The following CSMD1 variants were observed in gnomAD, a reference collection of about 807,000 sequenced individuals.
CSMD1 encodes CUB and sushi domain-containing protein 1.
A neutral mutation model predicts 417.5 loss-of-function variants in CSMD1; 213 were observed. The observed-to-expected ratio is 0.51, with a 90% CI of 0.46 to 0.57. CSMD1 has a LOEUF of 0.57. Among genes scored for constraint, CSMD1 ranks in the 20% least tolerant of loss-of-function variants. CSMD1 has a pLI of 0.00. For synonymous variants in CSMD1, 2,862 were observed against 1,736.8 expected (o/e 1.65, Z -16.11); for missense variants, 6,923 against 4,529.7 (o/e 1.53, Z -15.17).
intron 8 of CSMD1, among the ~76,000 whole-genome samples, chr8:3,607,909 C>T (rs1342955722): frequency 6.6e-6 from 1 of 152,176 alleles, no homozygotes; most frequent in East Asian, 1.9e-4. Context: ...GTGGTTCATG[C>T]CTGTAATCCC....
chr8:4,141,089 C>T (rs892590716), intron 3 of CSMD1, among the ~76,000 whole-genome samples: 4 of 151,198 alleles, frequency 2.6e-5, no homozygotes, highest in South Asian at 2.1e-4. Context: ...TACAAACTTC[C>T]CATTTTCAGA....
chr8:3,884,293 T>C (rs753652547), intron 5 of CSMD1, among the ~76,000 whole-genome samples: 1 of 152,200 alleles, frequency 6.6e-6, no homozygotes, highest in African/African-American at 2.4e-5. Flanking sequence ...GCCACTTGTG[T>C]TTGTTATATA....
intron 4 of CSMD1, among the ~76,000 whole-genome samples, chr8:4,003,166 G>A (rs564337041): frequency 6.6e-6 from 1 of 152,226 alleles, no homozygotes; most frequent in South Asian, 2.1e-4. Context: ...GCCCTAGGAG[G>A]GTGGATCACG....
intron 7 of CSMD1, among the ~76,000 whole-genome samples, chr8:3,694,265 C>T (rs529475737): frequency 2.6e-5 from 4 of 152,162 alleles, no homozygotes; most frequent in African/African-American, 7.2e-5. Flanking sequence ...AGAGCCTGGT[C>T]ATGCTCAGGG....
chr8:4,217,122 G>C (rs762371452), intron 3 of CSMD1, among the ~76,000 whole-genome samples: 5 of 152,182 alleles, frequency 3.3e-5, no homozygotes, highest in Non-Finnish European at 5.9e-5. Context: ...TGTAGTGCTA[G>C]TCTACATAGT....
intron 1 of CSMD1, among the ~76,000 whole-genome samples, chr8:4,950,352 C>T: frequency 6.6e-6 from 1 of 151,368 alleles, no homozygotes; most frequent in Admixed American, 6.6e-5. Flanking sequence ...GACAGATTTT[C>T]AAAAGTTAAA....
chr8:3,867,007 T>C (rs1445828325), intron 5 of CSMD1, among the ~76,000 whole-genome samples: 1 of 152,216 alleles, frequency 6.6e-6, no homozygotes, highest in African/African-American at 2.4e-5. Flanking sequence ...TCAGCCAATA[T>C]TTTTAATTCT....
At chr8:4,903,946 CTAT>C (rs1167924947) in intron 1 of CSMD1, among the ~76,000 whole-genome samples, 1 of 152,174 alleles carries the variant, frequency 6.6e-6, no homozygotes, top group Non-Finnish European at 1.5e-5. Context: ...ACGGAATTTG[CTAT>C]TATAATTTAA....
intron 2 of CSMD1, among the ~76,000 whole-genome samples, chr8:4,454,524 G>A (rs1799352880): frequency 6.6e-6 from 1 of 152,140 alleles, no homozygotes; most frequent in Admixed American, 6.5e-5. Context: ...AAGAAAAAGT[G>A]TGGTTTCTGA....
chr8:2,989,962 G>C (rs1806234511), intron 54 of CSMD1, among the ~76,000 whole-genome samples: 1 of 152,112 alleles, frequency 6.6e-6, no homozygotes, highest in South Asian at 2.1e-4. Context: ...GGATATAGTA[G>C]GTGCTCAACA....
intron 5 of CSMD1, among the ~76,000 whole-genome samples, chr8:3,778,688 C>G (rs1035617846): frequency 2.0e-5 from 3 of 152,206 alleles, no homozygotes; most frequent in African/African-American, 7.2e-5. Context: ...AGTTTCAGAG[C>G]TGGCCAAAGA....
intron 3 of CSMD1, among the ~76,000 whole-genome samples, chr8:4,338,486 A>C (rs1800298009): frequency 6.6e-6 from 1 of 152,086 alleles, no homozygotes; most frequent in African/African-American, 2.4e-5. Context: ...TGGCAAATCT[A>C]CCTCGGGATA....
At chr8:4,640,291 G>A (rs551345570) in intron 1 of CSMD1, among the ~76,000 whole-genome samples, 6 of 152,208 alleles carry the variant, frequency 3.9e-5, no homozygotes, top group Non-Finnish European at 8.8e-5. Flanking sequence ...ATCGTTGGCT[G>A]TCCAGTGCAA....
At chr8:3,199,284 A>T (rs1163595757) in intron 33 of CSMD1, among the ~76,000 whole-genome samples, 1 of 152,222 alleles carries the variant, frequency 6.6e-6, no homozygotes, top group Non-Finnish European at 1.5e-5. Context: ...TTGTTTTGTT[A>T]AATTTCCATT....
chr8:3,890,030 T>C (rs576504714), intron 5 of CSMD1, among the ~76,000 whole-genome samples: 343 of 152,168 alleles, frequency 2.3e-3, no homozygotes, highest in African/African-American at 7.9e-3. Flanking sequence ...AATATAAACA[T>C]TTTTTTAAAA....
intron 1 of CSMD1, among the ~76,000 whole-genome samples, chr8:4,748,309 A>T (rs1193735138): frequency 6.6e-6 from 1 of 152,242 alleles, no homozygotes; most frequent in African/African-American, 2.4e-5. Context: ...GAGAAGCCAG[A>T]GTGCACCATC....
chr8:3,072,954 G>T (rs1563863), intron 49 of CSMD1, among the ~76,000 whole-genome samples: 90,523 of 151,912 alleles, frequency 0.6, 27,283 homozygotes, highest in Non-Finnish European at 0.62. Flanking sequence ...AAATTGGCTT[G>T]GAAAAATCTC....
chr8:4,946,222 T>C (rs1219979177), intron 1 of CSMD1, among the ~76,000 whole-genome samples: 2 of 152,216 alleles, frequency 1.3e-5, no homozygotes, highest in African/African-American at 4.8e-5. Context: ...TGGATCTAAA[T>C]CCCTGTCTTG....
chr8:3,855,859 A>C (rs1268283799), intron 5 of CSMD1, among the ~76,000 whole-genome samples: 1 of 152,162 alleles, frequency 6.6e-6, no homozygotes, highest in Non-Finnish European at 1.5e-5. Flanking sequence ...TGCATTTATT[A>C]TGACACTTTG....
Sources: allele counts gnomAD v4.1 joint callset (sites outside exome capture counted in the v4.1 genomes callset), GRCh38; gene constraint gnomAD v4.1.1; transcripts MANE v1.5; gene names NCBI Gene and HGNC (gene_info 2026-07-23, HGNC 2026-07-21).